Variants in RASEF observed in about 807,000 individuals in gnomAD.
RASEF encodes the protein RAS and EF-hand domain containing, also known as ras and EF-hand domain-containing protein.
Under a neutral mutation model 90.1 loss-of-function variants are expected in RASEF, and 68 were observed. The ratio of observed to expected loss-of-function variants is 0.75; its 90% CI spans 0.62 to 0.92. The LOEUF (loss-of-function observed/expected upper bound fraction) is 0.92, where lower values mean the gene tolerates loss of function less well. Among genes scored for constraint, RASEF ranks in the 40% least tolerant of loss-of-function variants. RASEF has a pLI of 0.00. For synonymous variants in RASEF, 331 were observed against 345.2 expected (o/e 0.96, Z 0.46); for missense variants, 949 against 937.2 (o/e 1.01, Z -0.16).
chr9:83,022,887 T>G (rs537569779), intron 2 of RASEF, among the ~76,000 whole-genome samples: 1 of 152,216 alleles, frequency 6.6e-6, no homozygotes, highest in East Asian at 1.9e-4. Context: ...AGTAAAAGTA[T>G]AGGATTATAT....
the RASEF span, among the ~76,000 whole-genome samples, chr9:83,131,411 C>A: frequency 6.6e-6 from 1 of 152,162 alleles, no homozygotes; most frequent in Admixed American, 6.5e-5. Flanking sequence ...TGTCACCCAG[C>A]AGGAGGTATC....
At chr9:82,987,142 T>TG (rs1227668518) in intron 16 of RASEF, among the ~76,000 whole-genome samples, 1 of 152,338 alleles carries the variant, frequency 6.6e-6, no homozygotes, top group African/African-American at 2.4e-5. Context: ...TTGTAAAACT[T>TG]CAACAAATGG....
the RASEF span, among the ~76,000 whole-genome samples, chr9:83,187,303 T>C: frequency 6.6e-6 from 1 of 152,204 alleles, no homozygotes; most frequent in Non-Finnish European, 1.5e-5. Context: ...GTCTTCTCTT[T>C]TGGCCACTTC....
the RASEF span, among the ~76,000 whole-genome samples, chr9:83,170,565 T>C: frequency 6.6e-6 from 1 of 151,920 alleles, no homozygotes; most frequent in African/African-American, 2.4e-5. Context: ...TGGCATATTT[T>C]TTCTTTTTTG....
the RASEF span, among the ~76,000 whole-genome samples, chr9:83,092,334 C>T: frequency 4.6e-5 from 7 of 152,176 alleles, no homozygotes; most frequent in East Asian, 3.9e-4. Flanking sequence ...CACGGACCCT[C>T]GCGGTGAGTG....
chr9:83,094,193 ACTGT>A, the RASEF span, among the ~76,000 whole-genome samples: 3 of 151,908 alleles, frequency 2.0e-5, no homozygotes, highest in East Asian at 1.9e-4. Context: ...TTATACTTGC[ACTGT>A]CTAATATCAT....
intron 14 of RASEF, among the ~76,000 whole-genome samples, chr9:82,994,474 G>A (rs1342824647): frequency 3.3e-5 from 5 of 152,018 alleles, no homozygotes; most frequent in African/African-American, 9.7e-5. Context: ...ACCTGCTCTC[G>A]TTTTGTTTGT....
chr9:83,063,018 C>G lies in RASEF; in HGVS notation c.-151G>C, dbSNP rs1830246099. The G allele has an allele frequency of 1.2e-6, 1 of 811,482 alleles. No individual in the cohort carries two copies. The highest frequency in any genetic ancestry group is 1.8e-6 in the Non-Finnish European group (1 of 568,278). The allele number at this position is 811,482 out of a possible 1,614,324, so 50.3% of individuals were successfully genotyped here. A position where few individuals can be genotyped will look rare whatever the true frequency, so the allele number is the denominator to read the frequency against. ...CCACTTGAGGGAACGTCGGGCGGGGCGAGGAACGTCGGGGGTGGCCGAGCG... is the reference window on the plus strand; with the variant it reads ...CCACTTGAGGGAACGTCGGGCGGGGGGAGGAACGTCGGGGGTGGCCGAGCG... On this transcript the variant is annotated 5_prime_UTR_variant, in exon 1 of 17. Transcript: ENST00000376447.
chr9:82,991,233 C>T (rs1828808734), intron 15 of RASEF, among the ~76,000 whole-genome samples: 1 of 152,158 alleles, frequency 6.6e-6, no homozygotes. Flanking sequence ...AGGTTCCCTC[C>T]ACCCTCCACC....
rs1430243625 is a variant in RASEF at position 82,982,133 on chromosome 9, T to C, written c.*544A>G. ...CTCTGTCCTACTGCTTCCCACAGAATCTGAGGTGCCAAGGGCTGCAAGGCC... is the reference window on the plus strand; with the variant it reads ...CTCTGTCCTACTGCTTCCCACAGAACCTGAGGTGCCAAGGGCTGCAAGGCC... On this transcript the variant is annotated 3_prime_UTR_variant, in exon 17 of 17. Transcript: ENST00000376447. 6.6e-6 allele frequency: 1 copy of C among 152,528 alleles called. No homozygotes were observed. Among genetic ancestry groups the C allele is most frequent in the South Asian group, 2.1e-4 (1 of 4,830 alleles). The allele number at this position is 152,528 out of a possible 1,614,324, so 9.4% of individuals were successfully genotyped here.
At chr9:83,134,804 G>A in the RASEF span, among the ~76,000 whole-genome samples, 2 of 152,036 alleles carry the variant, frequency 1.3e-5, no homozygotes, top group African/African-American at 4.8e-5. Flanking sequence ...ACAAAAACTT[G>A]TACATAAATG....
intron 5 of RASEF, among the ~76,000 whole-genome samples, 178 bp downstream of exon 5, chr9:83,012,256 A>G (rs1829260279): frequency 6.6e-6 from 1 of 152,232 alleles, no homozygotes; most frequent in Admixed American, 6.5e-5. Context: ...AATAAGTGGC[A>G]TATTATTGAG....
chr9:82,990,639 C>A lies in RASEF; in HGVS notation c.2041-172G>T, dbSNP rs550751300. On this transcript the variant is annotated intron_variant, in intron 15 of 16. Coordinates refer to ENST00000376447, the MANE Select transcript of RASEF (RefSeq NM_152573.4). ...GTACTTACAAAGAAAATGGTTTAAG[C>A]ATAGTTACTCCAGGAAAAGTTCCTA... 1.2e-3 allele frequency among the ~76,000 whole-genome samples: 181 copies of A among 152,218 alleles called. 1 individual carries two copies. The highest frequency in any genetic ancestry group is 4.3e-3 in the African/African-American group (179 of 41,536).
chr9:83,032,124 T>C (rs184030405), intron 1 of RASEF, among the ~76,000 whole-genome samples: 1 of 152,296 alleles, frequency 6.6e-6, no homozygotes, highest in Non-Finnish European at 1.5e-5. Context: ...CTTGGCACCA[T>C]TACTTGGTGC....
chr9:83,140,302 C>T, the RASEF span, among the ~76,000 whole-genome samples: 388 of 152,250 alleles, frequency 2.5e-3, 1 homozygote, highest in African/African-American at 9.0e-3. Context: ...AGGAAGCAAT[C>T]CACTTTAGAG....
chr9:83,010,474 A>T (rs1478254264), intron 5 of RASEF, among the ~76,000 whole-genome samples: 3 of 152,186 alleles, frequency 2.0e-5, no homozygotes, highest in Non-Finnish European at 4.4e-5. Context: ...GAAATGGAAG[A>T]TTAGAGGAAG....
At chr9:83,071,161 A>G in the RASEF span, among the ~76,000 whole-genome samples, 1 of 152,174 alleles carries the variant, frequency 6.6e-6, no homozygotes, top group East Asian at 1.9e-4. Context: ...TACAAGGTAG[A>G]ATTGCAATAG....
chr9:83,157,143 C>G, the RASEF span, among the ~76,000 whole-genome samples: 1 of 152,134 alleles, frequency 6.6e-6, no homozygotes, highest in Non-Finnish European at 1.5e-5. Flanking sequence ...AAATGGCCCG[C>G]AAGACACACA....
rs538391512 is a variant in RASEF, at chr9:82,990,828, G to A, written c.2041-361C>T. Among the ~76,000 whole-genome samples, 8 of 152,210 alleles carry A rather than the reference G, an allele frequency of 5.3e-5. No individual in the cohort carries two copies. In the South Asian group the frequency reaches 1.5e-3, roughly 28 times the overall value. On this transcript the variant is annotated intron_variant, in intron 15 of 16. Transcript: ENST00000376447. ...CACTCAGGAATTAAATGTCCATCAA[G>A]AGTCTGTTTCCCTTTGGCCAGCAGC...
Sources: gnomAD v4.1 joint callset for allele counts (sites outside exome capture counted in the v4.1 genomes callset) on GRCh38, gnomAD v4.1.1 for gene constraint, MANE v1.5 for transcripts, NCBI Gene and HGNC (gene_info 2026-07-23, HGNC 2026-07-21) for gene names.